The following ADGRB3 variants were observed in gnomAD, a reference collection of about 807,000 sequenced individuals.
ADGRB3 encodes adhesion G protein-coupled receptor B3, also known as brain-specific angiogenesis inhibitor 3.
In ADGRB3, 37 loss-of-function variants were observed where a neutral mutation model predicts 193.4. That is an observed-to-expected ratio of 0.19 (90% confidence interval 0.15 to 0.25). The LOEUF (loss-of-function observed/expected upper bound fraction) is 0.25, where lower values mean the gene tolerates loss of function less well. Among genes scored for constraint, ADGRB3 ranks in the 10% least tolerant of loss-of-function variants. The probability of loss-of-function intolerance (pLI) is 1.00; values close to 1 mark genes in which losing one functional copy is unlikely to be tolerated. For missense variants in ADGRB3, 1,637 were observed against 1,852.9 expected, an observed-to-expected ratio of 0.88 and a Z score of 2.14; for synonymous variants, 690 against 644.2, an observed-to-expected ratio of 1.07 and a Z score of -1.08.
At chr6:69,102,034 G>A (rs929199871) in intron 17 of ADGRB3, among the ~76,000 whole-genome samples, 7 of 151,942 alleles carry the variant, frequency 4.6e-5, no homozygotes, top group African/African-American at 1.4e-4. Flanking sequence ...AAAATTAGCC[G>A]GGCGTGGTGG....
intron 19 of ADGRB3, among the ~76,000 whole-genome samples, chr6:69,235,831 G>A (rs1288755687): frequency 2.0e-5 from 3 of 152,026 alleles, no homozygotes; most frequent in Admixed American, 6.5e-5. Context: ...TTAGACCTGT[G>A]AAGTTTATCG....
At chr6:69,198,713 G>A (rs1462678173) in intron 17 of ADGRB3, among the ~76,000 whole-genome samples, 1 of 152,054 alleles carries the variant, frequency 6.6e-6, no homozygotes, top group Non-Finnish European at 1.5e-5. Flanking sequence ...AAATCATGTA[G>A]GGCCATATAG....
chr6:68,873,833 C>T (rs1765521362), intron 3 of ADGRB3, among the ~76,000 whole-genome samples: 1 of 151,952 alleles, frequency 6.6e-6, no homozygotes, highest in Non-Finnish European at 1.5e-5. Flanking sequence ...ATTTAAAATG[C>T]TTATATTACA....
chr6:69,325,373 G>A (rs1768545560), intron 21 of ADGRB3, among the ~76,000 whole-genome samples: 2 of 151,768 alleles, frequency 1.3e-5, no homozygotes, highest in South Asian at 4.2e-4. Flanking sequence ...GGTTCACTAG[G>A]CATGTACTCC....
chr6:69,220,495 A>G (rs1354923834), intron 17 of ADGRB3, among the ~76,000 whole-genome samples: 3 of 152,152 alleles, frequency 2.0e-5, no homozygotes, highest in African/African-American at 4.8e-5. Flanking sequence ...GATGTGGTAC[A>G]TCAGAATACA....
At chr6:69,180,719 G>A (rs535281983) in intron 17 of ADGRB3, among the ~76,000 whole-genome samples, 26 of 152,312 alleles carry the variant, frequency 1.7e-4, no homozygotes, top group Middle Eastern at 3.4e-3. Flanking sequence ...GCAATGGGGA[G>A]AGCATAATTG....
chr6:69,116,190 C>G (rs565430632), intron 17 of ADGRB3, among the ~76,000 whole-genome samples: 1 of 152,172 alleles, frequency 6.6e-6, no homozygotes, highest in Non-Finnish European at 1.5e-5. Context: ...TGAGGCCCAT[C>G]CACATTTTAG....
At chr6:69,254,233 G>A (rs190056397) in intron 20 of ADGRB3, among the ~76,000 whole-genome samples, 1 of 152,110 alleles carries the variant, frequency 6.6e-6, no homozygotes, top group East Asian at 1.9e-4. Flanking sequence ...TCTGTATTTA[G>A]CCCCTTTTAA....
intron 3 of ADGRB3, among the ~76,000 whole-genome samples, chr6:68,880,481 C>T (rs1427743565): frequency 2.0e-5 from 3 of 152,056 alleles, no homozygotes; most frequent in Non-Finnish European, 4.4e-5. Flanking sequence ...ACCTTTTTTG[C>T]CATCCCACCC....
chr6:68,734,339 T>C (rs1463789944), intron 3 of ADGRB3, among the ~76,000 whole-genome samples: 2 of 151,996 alleles, frequency 1.3e-5, no homozygotes, highest in Non-Finnish European at 2.9e-5. Flanking sequence ...GAACATTTTA[T>C]TTTTTTAACA....
chr6:68,974,839 C>G lies in ADGRB3; in HGVS notation c.1602C>G (p.Phe534Leu). ...WKRTPAGDLA[F>L]NQCPLNATGT... ...GAACTCCAGCAGGCGACTTGGCATTCAATCAATGTCCCCTGAATGCCACAG... is the reference window on the plus strand; with the variant it reads ...GAACTCCAGCAGGCGACTTGGCATTGAATCAATGTCCCCTGAATGCCACAG... Residue 534 changes from phenylalanine to leucine, a missense_variant, in exon 9 of 32, where the codon TTC becomes TTG. By Grantham distance (22) the Phe-to-Leu change is conservative. Coordinates refer to ENST00000370598, the MANE Select transcript of ADGRB3 (RefSeq NM_001704.3). 1.2e-6 allele frequency: 2 copies of G among 1,613,928 alleles called. No individual in the cohort carries two copies. Among genetic ancestry groups the G allele is most frequent in the Non-Finnish European group, 8.5e-7 (1 of 1,179,870 alleles).
chr6:68,802,986 C>T lies in ADGRB3; in HGVS notation c.758-127573C>T, dbSNP rs180981351. 5.3e-5 allele frequency among the ~76,000 whole-genome samples: 8 copies of T among 151,970 alleles called. No individual in the cohort carries two copies. The East Asian group carries it at 1.5e-3, about 29-fold the overall frequency. ...TATCTTTCCAATGTTGTCACTGGCC[C>T]CTGTCCCTCATTATCTTTTCTAGCT... On this transcript the variant is annotated intron_variant, in intron 3 of 31. Transcript: ENST00000370598.
chr6:68,826,539 C>T (rs1355759358), intron 3 of ADGRB3, among the ~76,000 whole-genome samples: 1 of 152,046 alleles, frequency 6.6e-6, no homozygotes, highest in African/African-American at 2.4e-5. Flanking sequence ...GAACTGGAAG[C>T]CTTTGGAATG....
At chr6:68,659,214 C>T (rs146394947) in intron 3 of ADGRB3, among the ~76,000 whole-genome samples, 3,350 of 150,678 alleles carry the variant, frequency 0.022, 64 homozygotes, top group South Asian at 0.074. Flanking sequence ...CAAGCTGATG[C>T]AATTTTTTTT....
intron 3 of ADGRB3, among the ~76,000 whole-genome samples, chr6:68,830,955 TAAA>T (rs35545206): frequency 6.9e-6 from 1 of 145,576 alleles, no homozygotes. Context: ...CAGAACAACT[TAAA>T]AAAAAAAAAA....
At chr6:69,317,556 T>A (rs970348007) in intron 20 of ADGRB3, among the ~76,000 whole-genome samples, 1 of 151,444 alleles carries the variant, frequency 6.6e-6, no homozygotes, top group Non-Finnish European at 1.5e-5. Flanking sequence ...TAAAACTGCG[T>A]AAGCCTTCTG....
chr6:69,175,612 C>T (rs982223196), intron 17 of ADGRB3, among the ~76,000 whole-genome samples: 22 of 151,986 alleles, frequency 1.4e-4, no homozygotes, highest in African/African-American at 4.8e-4. Flanking sequence ...AGGATTGCTT[C>T]GAGTATTCAG....
At chr6:68,719,613 C>T (rs1328070532) in intron 3 of ADGRB3, among the ~76,000 whole-genome samples, 1 of 151,670 alleles carries the variant, frequency 6.6e-6, no homozygotes, top group African/African-American at 2.4e-5. Context: ...GCTAAGCGCT[C>T]AATGTTTAGA....
At chr6:68,831,211 A>G (rs1208146739) in intron 3 of ADGRB3, among the ~76,000 whole-genome samples, 1 of 151,234 alleles carries the variant, frequency 6.6e-6, no homozygotes, top group Non-Finnish European at 1.5e-5. Context: ...TGAACTAGAT[A>G]TGAGTACAAA....
Sources: allele counts gnomAD v4.1 joint callset (sites outside exome capture counted in the v4.1 genomes callset), GRCh38; gene constraint gnomAD v4.1.1; transcripts MANE v1.5; gene names NCBI Gene and HGNC (gene_info 2026-07-23, HGNC 2026-07-21).